The following KIF13B variants were observed in gnomAD, a reference collection of about 807,000 sequenced individuals.
KIF13B encodes kinesin family member 13B.
A neutral mutation model predicts 222.0 loss-of-function variants in KIF13B; 127 were observed. The observed-to-expected ratio is 0.57, with a 90% CI of 0.50 to 0.66. The LOEUF is 0.66. Among genes scored for constraint, KIF13B ranks in the 30% least tolerant of loss-of-function variants. KIF13B has a pLI of 0.00. For synonymous variants in KIF13B, 976 were observed against 919.0 expected (o/e 1.06, Z -1.12); for missense variants, 2,173 against 2,379.0 (o/e 0.91, Z 1.80).
intron 2 of KIF13B, among the ~76,000 whole-genome samples, chr8:29,224,430 T>C (rs1417757017): frequency 1.3e-5 from 2 of 152,174 alleles, no homozygotes; most frequent in Non-Finnish European, 2.9e-5. Flanking sequence ...AGGTCTAGCA[T>C]TGGGAATAAT....
chr8:29,188,620 GAAT>G lies in KIF13B; in HGVS notation c.224-16_224-14del, dbSNP rs1285993404. 3.2e-6 allele frequency: 5 copies of G among 1,539,004 alleles called. No homozygotes were observed. The highest frequency in any genetic ancestry group is 1.8e-5 in the Admixed American group (1 of 55,488). ...ACAATATCTTGACCTGAGAGAGAGAGAATAAGAGAAAAGATATTTTAAGCCAAA... is the reference window on the plus strand; with the variant it reads ...ACAATATCTTGACCTGAGAGAGAGAGAAGAGAAAAGATATTTTAAGCCAAA... On this transcript the variant is annotated splice_polypyrimidine_tract_variant and intron_variant, in intron 4 of 39. Transcript: ENST00000524189.
At chr8:29,225,098 G>A (rs953625637) in intron 2 of KIF13B, among the ~76,000 whole-genome samples, 6 of 152,210 alleles carry the variant, frequency 3.9e-5, no homozygotes, top group Non-Finnish European at 5.9e-5. Flanking sequence ...AGACATCACG[G>A]AAAGATATGT....
chr8:29,074,572 C>A (rs1178317449), intron 38 of KIF13B, among the ~76,000 whole-genome samples: 1 of 152,256 alleles, frequency 6.6e-6, no homozygotes, highest in Non-Finnish European at 1.5e-5. Flanking sequence ...CTCTGACCAT[C>A]CTGCTGACCA....
At position 29,167,522 on chromosome 8, in the gene KIF13B, A is replaced by G; in HGVS notation, c.1009T>C (p.Tyr337His). ...CGCAGAGTTGAGAGGGTTTCATCAT[A>G]GTTATCAGCTGCAGGACTCACAGTA... ...VATVSPAADN[Y>H]DETLSTLRYA... is the part of the protein sequence containing the mutation. The change falls in exon 11 of 40, where the codon TAT becomes CAT. Residue 337 changes from tyrosine to histidine, a missense_variant. Around this residue, in one of 2 missense-constraint regions of KIF13B, gnomAD observed 1,480 missense variants for 1,722.8 expected, o/e 0.86. Transcript: ENST00000524189. 1 of 1,614,058 alleles carries G rather than the reference A, an allele frequency of 6.2e-7. No homozygotes were observed. The highest frequency in any genetic ancestry group is 8.5e-7 in the Non-Finnish European group (1 of 1,179,892).
At chr8:29,144,739 T>C (rs557445620) in intron 18 of KIF13B, among the ~76,000 whole-genome samples, 3 of 152,188 alleles carry the variant, frequency 2.0e-5, no homozygotes, top group South Asian at 4.2e-4. Flanking sequence ...CTTGCAAAAC[T>C]GGAAATAAGA....
At chr8:29,096,768 T>C (rs1026653724) in intron 36 of KIF13B, among the ~76,000 whole-genome samples, 2 of 151,942 alleles carry the variant, frequency 1.3e-5, no homozygotes, top group Non-Finnish European at 2.9e-5. Flanking sequence ...TCTAAGCGAT[T>C]TGATAAGTTA....
chr8:29,229,721 G>A (rs1013259511), intron 2 of KIF13B, among the ~76,000 whole-genome samples: 2 of 152,148 alleles, frequency 1.3e-5, no homozygotes, highest in African/African-American at 4.8e-5. Context: ...TATGCAAATT[G>A]ATGCTCTTCA....
intron 36 of KIF13B, among the ~76,000 whole-genome samples, chr8:29,095,993 T>G (rs967998752): frequency 2.6e-5 from 4 of 151,616 alleles, no homozygotes; most frequent in Admixed American, 1.3e-4. Flanking sequence ...TTTGTTTTTT[T>G]TTTTTTAAGA....
intron 1 of KIF13B, among the ~76,000 whole-genome samples, chr8:29,261,433 CTT>C (rs1313105716): frequency 6.6e-6 from 1 of 152,152 alleles, no homozygotes; most frequent in African/African-American, 2.4e-5. Flanking sequence ...TTAGCGGCCT[CTT>C]TTTAGCACTG....
chr8:29,133,935 C>T, intron 22 of KIF13B, 105 bp downstream of exon 22: 1 of 1,124,312 alleles, frequency 8.9e-7, no homozygotes, highest in Non-Finnish European at 1.3e-6. Context: ...AGAAACTGCT[C>T]CAAGACATAT....
chr8:29,149,619 T>G (rs561634704), intron 15 of KIF13B, among the ~76,000 whole-genome samples: 66 of 152,216 alleles, frequency 4.3e-4, no homozygotes, highest in African/African-American at 1.5e-3. Flanking sequence ...TGGGAAGACT[T>G]CTCTGTTTTT....
intron 1 of KIF13B, among the ~76,000 whole-genome samples, chr8:29,262,740 G>A (rs1229445638): frequency 6.7e-6 from 1 of 150,236 alleles, no homozygotes; most frequent in Non-Finnish European, 1.5e-5. Flanking sequence ...AAGGGGCAGC[G>A]GGGCCGGCAC....
In KIF13B at chr8:29,154,398, AAGAGGGGAG is replaced by A. The variant is rs1359970411; in HGVS notation, c.1535+1319_1535+1327del. Among the ~76,000 whole-genome samples the A allele has an allele frequency of 6.6e-5, 10 of 151,926 alleles. 1 individual carries two copies. In the South Asian group the frequency reaches 2.1e-3, roughly 32 times the overall value. ...TGAGGCACAGAAGAGGGCAGAGGGG[AAGAGGGGAG>A]GGGAGGCAGGGAGCCGGTGTGAGAA... On this transcript the variant is annotated intron_variant, in intron 14 of 39. Transcript: ENST00000524189.
intron 10 of KIF13B, among the ~76,000 whole-genome samples, chr8:29,169,679 T>C (rs181920627): frequency 6.6e-5 from 10 of 152,334 alleles, no homozygotes; most frequent in African/African-American, 2.2e-4. Context: ...AAGCCATGAC[T>C]GTTTGCTTTG....
intron 10 of KIF13B, among the ~76,000 whole-genome samples, chr8:29,171,532 T>C (rs769138008): frequency 2.0e-5 from 3 of 152,056 alleles, no homozygotes; most frequent in African/African-American, 7.2e-5. Context: ...CATGTCAAAC[T>C]AGGATCTGGG....
At chr8:29,154,878 T>C (rs546658988) in intron 14 of KIF13B, among the ~76,000 whole-genome samples, 6 of 152,308 alleles carry the variant, frequency 3.9e-5, no homozygotes, top group South Asian at 4.1e-4. Flanking sequence ...GTCTCAATAC[T>C]TGAAGACTTT....
intron 21 of KIF13B, 60 bp downstream of exon 21, chr8:29,140,003 A>C (rs1346220230): frequency 1.5e-5 from 22 of 1,472,766 alleles, no homozygotes; most frequent in Admixed American, 4.6e-5. Flanking sequence ...ATTAAAAGTA[A>C]TGGCAAAAAC....
In KIF13B at chr8:29,079,453, T is replaced by A. The variant is rs1226362423; in HGVS notation, c.4459-4110A>T. Among the ~76,000 whole-genome samples the A allele has an allele frequency of 2.0e-5, 3 of 152,250 alleles. No homozygotes were observed. In the East Asian group the frequency reaches 5.8e-4, roughly 29 times the overall value. On this transcript the variant is annotated intron_variant, in intron 37 of 39. Transcript: ENST00000524189. ...TTCAGGCTCTTGGAAGGAGACAGAC[T>A]ACAGCTCATTCATCCCTGTATTTCC...
At chr8:29,202,383 T>C (rs1193038270) in intron 2 of KIF13B, among the ~76,000 whole-genome samples, 1 of 152,186 alleles carries the variant, frequency 6.6e-6, no homozygotes, top group Non-Finnish European at 1.5e-5. Flanking sequence ...AGTGGCAAGA[T>C]CTTGGCTCAC....
Sources: gnomAD v4.1 joint callset for allele counts (sites outside exome capture counted in the v4.1 genomes callset) on GRCh38, gnomAD v4.1.1 for gene constraint, gnomAD v4.1.1 regional missense constraint, MANE v1.5 for transcripts, NCBI Gene and HGNC (gene_info 2026-07-23, HGNC 2026-07-21) for gene names.